STAB1: variants seen among roughly 807,000 people sequenced by gnomAD.
STAB1 encodes the protein stabilin 1.
STAB1 carries 250 observed loss-of-function variants against 332.4 expected under a neutral mutation model. That is an observed-to-expected ratio of 0.75 (90% CI 0.68 to 0.84). The LOEUF (loss-of-function observed/expected upper bound fraction) is 0.84. Ranked by LOEUF, STAB1 falls within the 40% of genes least tolerant of loss-of-function variation. STAB1 has a pLI of 0.00. For synonymous variants in STAB1, 1,475 were observed against 1,390.4 expected (o/e 1.06, Z -1.35); for missense variants, 3,249 against 3,489.7 (o/e 0.93, Z 1.74).
At position 52,516,389 on chromosome 3, in the gene STAB1, G is replaced by A. The variant is rs1401936732; in HGVS notation, c.4178G>A (p.Gly1393Glu). ...TGTGCCCATGGGCTGTGCCAGGAGG[G>A]GCTGCAAGGGGACGGAAGCTGTGTC... Reference protein sequence around the residue: ...CDCAHGLCQEGLQGDGSCVCN... With the variant: ...CDCAHGLCQEELQGDGSCVCN... The change falls in exon 39 of 69, where the codon GGG becomes GAG. Residue 1393 changes from glycine (G) to glutamate (E), a missense_variant. Transcript: ENST00000321725. The A allele has an allele frequency of 2.5e-6, 4 of 1,609,888 alleles. No individual in the cohort carries two copies. The highest frequency in any genetic ancestry group is 3.4e-6 in the Non-Finnish European group (4 of 1,177,262).
chr3:52,501,517 T>C (rs1235057894), intron 2 of STAB1, 121 bp from the exon 3 acceptor site: 24 of 1,128,108 alleles, frequency 2.1e-5, no homozygotes, highest in Non-Finnish European at 3.1e-5. Context: ...GGCCCTGTGC[T>C]CAGCTCTGGG....
intron 11 of STAB1, 43 bp downstream of exon 11, chr3:52,504,592 T>A (rs1449334287): frequency 6.2e-7 from 1 of 1,612,636 alleles, no homozygotes; most frequent in Non-Finnish European, 8.5e-7. Context: ...GGCCCTCACC[T>A]CCTCCCCTGG....
rs112088115 is a variant in STAB1, at chr3:52,506,868, G to C, written c.1989+18G>C. 462 of 1,611,490 alleles carry C rather than the reference G, an allele frequency of 2.9e-4. 5 individuals carry two copies. In the African/African-American group the frequency reaches 4.6e-3, roughly 16 times the overall value. On this transcript the variant is annotated intron_variant, in intron 18 of 68. Coordinates refer to ENST00000321725, the MANE Select transcript of STAB1 (RefSeq NM_015136.3). ...TTGTGGCGGTGAGCCTCGCCTGCAC[G>C]GCCAGGGCCCTACTCACTAACCCCT...
intron 1 of STAB1, among the ~76,000 whole-genome samples, chr3:52,499,768 G>A (rs1035589415): frequency 7.3e-5 from 11 of 150,646 alleles, no homozygotes; most frequent in African/African-American, 2.2e-4. Flanking sequence ...GCGTAGTGGC[G>A]GGCGCCTGTA....
chr3:52,519,551 G>T lies in STAB1; in HGVS notation c.5222G>T (p.Ser1741Ile). The T allele has an allele frequency of 1.9e-6, 3 of 1,613,280 alleles. No homozygotes were observed. The highest frequency in any genetic ancestry group is 1.7e-6 in the Non-Finnish European group (2 of 1,180,010). The change falls in exon 50 of 69, where the codon AGC (serine) becomes ATC (isoleucine). Residue 1741 changes from serine to isoleucine, a missense_variant. Transcript: ENST00000321725. ...CAGGGCTTCGGTTACAAGATCTTCA[G>T]CGGCCTCCTGAAGGTACTGCTCCCG... ...AAQGFGYKIFSGLLKVAGLLP... is the reference protein window; with the variant it reads ...AAQGFGYKIFIGLLKVAGLLP...
At chr3:52,511,562 G>T in intron 25 of STAB1, 88 bp from the exon 26 acceptor site, 1 of 1,248,054 alleles carries the variant, frequency 8.0e-7, no homozygotes, top group Non-Finnish European at 1.1e-6. Flanking sequence ...CCTCCCTGGG[G>T]GCAGTGACCA....
In STAB1 at chr3:52,523,031, C is replaced by G. The variant is rs756458098; in HGVS notation, c.6917C>G (p.Ala2306Gly). The change falls in exon 63 of 69, where the codon GCC (alanine) becomes GGC (glycine). Residue 2306 changes from alanine to glycine, a missense_variant. Transcript: ENST00000321725. ...DAYCFRVQDV[A>G]CRCRNGFVGD... ...TGACCTGCTTTTCCTGCAGATGTGGCCTGCCGATGCCGAAATGGCTTCGTG... is the reference window on the plus strand; with the variant it reads ...TGACCTGCTTTTCCTGCAGATGTGGGCTGCCGATGCCGAAATGGCTTCGTG... 2.5e-6 allele frequency: 4 copies of G among 1,573,598 alleles called. No individual in the cohort carries two copies. The highest frequency in any genetic ancestry group is 2.4e-5 in the South Asian group (2 of 84,306).
chr3:52,495,427 G>C lies in STAB1; in HGVS notation c.14G>C (p.Arg5Pro), dbSNP rs941587442. 3 of 1,336,162 alleles carry C rather than the reference G, an allele frequency of 2.2e-6. No individual in the cohort carries two copies. The highest frequency in any genetic ancestry group is 1.9e-6 in the Non-Finnish European group (2 of 1,037,198). The allele number at this position is 1,336,162 out of a possible 1,614,324, so 82.8% of individuals were successfully genotyped here. The change falls in exon 1 of 69, where the codon CGG becomes CCG. Residue 5 changes from arginine to proline, a missense_variant. Arg to Pro is a moderately radical substitution (Grantham distance 103). Transcript: ENST00000321725. ...TGCCCACCAGCCATGGCGGGGCCCC[G>C]GGGCCTCCTCCCACTCTGCCTCCTG... is the stretch of plus-strand genomic sequence containing the variant. MAGP[R>P]GLLPLCLLAF...
Position 52,521,586 on chromosome 3 carries a change from C to T in STAB1, c.6059-10C>T. The T allele has an allele frequency of 1.9e-6, 3 of 1,612,864 alleles. No individual in the cohort carries two copies. Among genetic ancestry groups the T allele is most frequent in the Non-Finnish European group, 2.5e-6 (3 of 1,179,764 alleles). ...CCAATCTTTATCTTCCTGCCTGTCCCTCTCCCCAGCCTGCCGCTGCACTGT... is the reference window on the plus strand; with the variant it reads ...CCAATCTTTATCTTCCTGCCTGTCCTTCTCCCCAGCCTGCCGCTGCACTGT... On this transcript the variant is annotated splice_polypyrimidine_tract_variant and intron_variant, in intron 56 of 68. Coordinates refer to ENST00000321725, the MANE Select transcript of STAB1 (RefSeq NM_015136.3).
Position 52,508,025 on chromosome 3 carries a change from T to C in STAB1, c.2147T>C (p.Met716Thr). The C allele has an allele frequency of 2.5e-6, 4 of 1,613,040 alleles. No homozygotes were observed. The highest frequency in any genetic ancestry group is 3.4e-6 in the Non-Finnish European group (4 of 1,179,752). ...GCASYCNQTI[M>T]EQGCCKGFFG... ...GCCAGCTACTGCAACCAAACCATCATGGTAAGCGTGGGCATGGGTGCCCAC... is the reference window on the plus strand; with the variant it reads ...GCCAGCTACTGCAACCAAACCATCACGGTAAGCGTGGGCATGGGTGCCCAC... The change falls in exon 20 of 69, where the codon ATG becomes ACG. Residue 716 changes from methionine to threonine, a missense_variant and splice_region_variant. Coordinates refer to ENST00000321725, the MANE Select transcript of STAB1 (RefSeq NM_015136.3).
rs1708808449 is a variant in STAB1, at chr3:52,505,777, C to T, written c.1691C>T (p.Thr564Ile). Residue 564 changes from threonine (T) to isoleucine (I), a missense_variant, in exon 15 of 69, where the codon ACA (threonine) becomes ATA (isoleucine). Transcript: ENST00000321725. Reference protein sequence around the residue: ...LRDGRLIYLFTAGLSKLQELV... With the variant: ...LRDGRLIYLFIAGLSKLQELV... ...GACGGCCGCCTGATCTACCTCTTCA[C>T]AGCGGTAAGCTCAGCGGGAGAAGGG... is the stretch of plus-strand genomic sequence containing the variant. The T allele has an allele frequency of 1.2e-6, 2 of 1,613,868 alleles. No individual in the cohort carries two copies. The highest frequency in any genetic ancestry group is 1.7e-6 in the Non-Finnish European group (2 of 1,180,028).
rs1166299058 is a variant in STAB1 at position 52,518,729 on chromosome 3, C to G, written c.4894C>G (p.Leu1632Val). The G allele has an allele frequency of 1.9e-6, 3 of 1,612,394 alleles. No homozygotes were observed. Among genetic ancestry groups the G allele is most frequent in the Non-Finnish European group, 2.5e-6 (3 of 1,179,758 alleles). Residue 1632 changes from leucine (L) to valine (V), a missense_variant, in exon 48 of 69, where the codon CTG becomes GTG. Leu to Val is a conservative substitution (Grantham distance 32, BLOSUM62 1). Transcript: ENST00000321725. Reference sequence around the variant, plus strand: ...CCTCGCGACTCTGCTCCAGGATGAGCTGGCCCGGATTCGTGCGCATCGCCA... The same window carrying G: ...CCTCGCGACTCTGCTCCAGGATGAGGTGGCCCGGATTCGTGCGCATCGCCA... Reference protein sequence around the residue: ...DLMSNLSQDELARIRAHRQLV... With the variant: ...DLMSNLSQDEVARIRAHRQLV...
In STAB1 at chr3:52,505,093, G is replaced by T. The variant is rs556165651; in HGVS notation, c.1468G>T (p.Val490Phe). 2 of 1,613,682 alleles carry T rather than the reference G, an allele frequency of 1.2e-6. No homozygotes were observed. The highest frequency in any genetic ancestry group is 2.2e-5 in the South Asian group (2 of 91,084). ...NIAANGVFHV[V>F]TGLRWQAPSG... is the part of the protein sequence containing the mutation. Reference sequence around the variant, plus strand: ...AGCAGCTAATGGCGTCTTCCACGTGGTCACTGGCCTGCGGTGGCAGGCCCC... The same window carrying T: ...AGCAGCTAATGGCGTCTTCCACGTGTTCACTGGCCTGCGGTGGCAGGCCCC... The change falls in exon 13 of 69, where the codon GTC (valine) becomes TTC (phenylalanine). Residue 490 changes from valine to phenylalanine, a missense_variant. By Grantham distance (50) the Val-to-Phe change is conservative. Transcript: ENST00000321725.
In STAB1 at chr3:52,510,164, G is replaced by A; in HGVS notation, c.2557G>A (p.Glu853Lys). The A allele has an allele frequency of 6.2e-7, 1 of 1,614,020 alleles. No homozygotes were observed. ...CAGATGTCGCTGTCTTGATGGCTTT[G>A]AGGGTGATGGCTTCTCCTGCACACC... ...VARCRCLDGF[E>K]GDGFSCTPSN... Residue 853 changes from glutamate (E) to lysine (K), a missense_variant, in exon 24 of 69, where the codon GAG becomes AAG. By Grantham distance (56) the Glu-to-Lys change is moderately conservative (BLOSUM62 1). Coordinates refer to ENST00000321725, the MANE Select transcript of STAB1 (RefSeq NM_015136.3).
chr3:52,502,209 C>T lies in STAB1; in HGVS notation c.468C>T (p.Phe156=), dbSNP rs762776022. The T allele has an allele frequency of 1.4e-5, 22 of 1,612,638 alleles. No homozygotes were observed. Among genetic ancestry groups the T allele is most frequent in the Admixed American group, 6.7e-5 (4 of 60,004 alleles). The change falls in exon 5 of 69, where the codon TTC becomes TTT. Residue 156 remains phenylalanine, a synonymous_variant. Coordinates refer to ENST00000321725, the MANE Select transcript of STAB1 (RefSeq NM_015136.3). The stretch of plus-strand genomic sequence containing the variant: ...AGGAGTGCCAAGACCCCAACCGGTT[C>T]GGGCCTGACTGCCAATCGGGTGAGT... ...ACQECQDPNR[F]GPDCQSVCSC...
Position 52,517,312 on chromosome 3 carries a change from TC to T in STAB1, c.4490-3del. 1.3e-6 allele frequency: 2 copies of T among 1,561,724 alleles called. No individual in the cohort carries two copies. The highest frequency in any genetic ancestry group is 1.7e-6 in the Non-Finnish European group (2 of 1,157,904). On this transcript the variant is annotated splice_polypyrimidine_tract_variant and splice_region_variant and intron_variant, in intron 42 of 68. Coordinates refer to ENST00000321725, the MANE Select transcript of STAB1 (RefSeq NM_015136.3). Reference sequence around the variant, plus strand: ...GGGCCACCCCCATCCCAGTGTCTCTTCCCCCAGAAATTAACAGCTGTCTCAT... The same window carrying T: ...GGGCCACCCCCATCCCAGTGTCTCTTCCCCAGAAATTAACAGCTGTCTCAT...
chr3:52,505,625 G>T (rs1190462257), intron 14 of STAB1, 43 bp from the exon 15 acceptor site: 1 of 1,593,950 alleles, frequency 6.3e-7, no homozygotes, highest in Admixed American at 1.7e-5. Flanking sequence ...CAGAGGTGGA[G>T]GCTGGCCATG....
intron 14 of STAB1, 112 bp from the exon 15 acceptor site, chr3:52,505,556 T>G (rs1708788499): frequency 8.1e-7 from 1 of 1,235,050 alleles, no homozygotes; most frequent in African/African-American, 1.5e-5. Context: ...TGCCCATGTC[T>G]CCCCCTTACT....
chr3:52,520,252 G>A lies in STAB1; in HGVS notation c.5461G>A (p.Gly1821Arg), dbSNP rs771657458. 2.0e-5 allele frequency: 32 copies of A among 1,613,062 alleles called. No homozygotes were observed. In the Admixed American group the frequency reaches 3.0e-4, roughly 15 times the overall value. The change falls in exon 52 of 69, where the codon GGG (glycine) becomes AGG (arginine). Residue 1821 changes from glycine to arginine, a missense_variant. Coordinates refer to ENST00000321725, the MANE Select transcript of STAB1 (RefSeq NM_015136.3). ...PNLGPLRTMHGTPISFSCSRT... is the reference protein window; with the variant it reads ...PNLGPLRTMHRTPISFSCSRT... The stretch of plus-strand genomic sequence containing the variant: ...CCTGGGCCCACTTCGAACCATGCAT[G>A]GGACCCCCATCTCTTTCTCCTGCAG...
Sources: gnomAD v4.1 joint callset for allele counts (sites outside exome capture counted in the v4.1 genomes callset) on GRCh38, gnomAD v4.1.1 for gene constraint, MANE v1.5 for transcripts, NCBI Gene and HGNC (gene_info 2026-07-23, HGNC 2026-07-21) for gene names.